ADAMTS6: variants seen among roughly 807,000 people sequenced by gnomAD.
ADAMTS6 encodes ADAM metallopeptidase with thrombospondin type 1 motif 6, also known as A disintegrin and metalloproteinase with thrombospondin motifs 6.
A neutral mutation model predicts 144.3 loss-of-function variants in ADAMTS6; 23 were observed. The observed-to-expected ratio is 0.16, with a 90% CI of 0.11 to 0.23. The LOEUF (loss-of-function observed/expected upper bound fraction) is 0.23. Ranked by LOEUF, ADAMTS6 falls within the 10% of genes least tolerant of loss-of-function variation. The pLI is 1.00. For missense variants in ADAMTS6, 999 were observed against 1,379.6 expected (o/e 0.72, Z 4.37); for synonymous variants, 444 against 457.5 (o/e 0.97, Z 0.38).
In ADAMTS6 at chr5:65,214,459, T is replaced by C; in HGVS notation, c.2575+335A>G. The stretch of plus-strand genomic sequence containing the variant: ...TGCATCTGTGATGTCTGATTCTTGC[T>C]CATTTTCTTTTTTAAAACTTTTGAT... On this transcript the variant is annotated intron_variant, in intron 20 of 24. Coordinates refer to ENST00000381055, the MANE Select transcript of ADAMTS6 (RefSeq NM_197941.4). The surrounding 1 kb of genome is among the most constrained non-coding windows in gnomAD (Gnocchi z 4.6). The C allele has an allele frequency of 2.7e-6, 1 of 374,650 alleles. No homozygotes were observed. The highest frequency in any genetic ancestry group is 5.1e-6 in the Non-Finnish European group (1 of 195,982). 23.2% of individuals were successfully genotyped at this position (374,650 alleles called of 1,614,324 possible).
At chr5:65,213,773 T>C (rs1297531213) in intron 20 of ADAMTS6, among the ~76,000 whole-genome samples, 3 of 152,192 alleles carry the variant, frequency 2.0e-5, no homozygotes, top group Non-Finnish European at 2.9e-5. Flanking sequence ...ATGAAGTCTA[T>C]ATAAAAATCA....
intron 9 of ADAMTS6, among the ~76,000 whole-genome samples, chr5:65,313,835 T>G (rs1744729008): frequency 6.6e-6 from 1 of 152,114 alleles, no homozygotes; most frequent in Non-Finnish European, 1.5e-5. Context: ...GCCACAAGTT[T>G]CATTTTAGAG....
intron 7 of ADAMTS6, among the ~76,000 whole-genome samples, chr5:65,353,000 T>A (rs886086977): frequency 1.2e-4 from 18 of 152,172 alleles, no homozygotes; most frequent in African/African-American, 4.3e-4. Context: ...CTTTCCTAAA[T>A]ATGAATAACT....
chr5:65,470,212 C>T (rs1760328741), intron 3 of ADAMTS6, among the ~76,000 whole-genome samples: 2 of 152,118 alleles, frequency 1.3e-5, no homozygotes, highest in African/African-American at 2.4e-5. Flanking sequence ...ACATGAGCCA[C>T]CTCACCCAGC....
chr5:65,345,579 T>A (rs928040085), intron 7 of ADAMTS6, among the ~76,000 whole-genome samples: 7 of 151,744 alleles, frequency 4.6e-5, no homozygotes, highest in Admixed American at 1.3e-4. Context: ...AAGACTGACA[T>A]AATCTCTCAA....
In ADAMTS6 at chr5:65,151,772, G is replaced by A. The variant is rs895121524; in HGVS notation, c.*64C>T. ...GACATCAATCCTCTTCCTCTGGGTG[G>A]CTCTCTTTGATGGATGCATTTCCAT... On this transcript the variant is annotated 3_prime_UTR_variant, in exon 25 of 25. Transcript: ENST00000381055. The A allele has an allele frequency of 2.9e-6, 4 of 1,389,662 alleles. No individual in the cohort carries two copies. The African/African-American group carries it at 4.3e-5, about 15-fold the overall frequency. The allele number at this position is 1,389,662 out of a possible 1,614,324, so 86.1% of individuals were successfully genotyped here.
At chr5:65,184,510 T>C (rs912980657) in intron 22 of ADAMTS6, among the ~76,000 whole-genome samples, 5 of 152,226 alleles carry the variant, frequency 3.3e-5, no homozygotes, top group African/African-American at 1.2e-4. Context: ...AGTTACCCAC[T>C]TGTCCAAGAG....
intron 3 of ADAMTS6, among the ~76,000 whole-genome samples, chr5:65,464,509 T>C (rs148653625): frequency 1.5e-3 from 227 of 152,346 alleles, no homozygotes; most frequent in African/African-American, 5.1e-3. Flanking sequence ...TTGTTACCTA[T>C]ATTTAAAATT....
chr5:65,387,178 C>T (rs1187898406), intron 7 of ADAMTS6, among the ~76,000 whole-genome samples: 1 of 152,254 alleles, frequency 6.6e-6, no homozygotes, highest in East Asian at 1.9e-4. Flanking sequence ...AGAAACAAAA[C>T]CTACACTATT....
At chr5:65,303,112 A>C (rs1381442726) in intron 9 of ADAMTS6, among the ~76,000 whole-genome samples, 3 of 152,150 alleles carry the variant, frequency 2.0e-5, no homozygotes, top group Non-Finnish European at 4.4e-5. Context: ...AAACCATATC[A>C]GGTAGTTTCC....
chr5:65,361,856 C>T (rs1749852528), intron 7 of ADAMTS6, among the ~76,000 whole-genome samples: 1 of 152,034 alleles, frequency 6.6e-6, no homozygotes, highest in Non-Finnish European at 1.5e-5. Context: ...ACTTCAGCCT[C>T]CATTAGTAGC....
chr5:65,388,133 C>T (rs528770763), intron 7 of ADAMTS6, among the ~76,000 whole-genome samples: 36 of 152,214 alleles, frequency 2.4e-4, no homozygotes, highest in Non-Finnish European at 4.1e-4. Context: ...TCGCTTGAAC[C>T]CAGGAGGCAG....
intron 7 of ADAMTS6, among the ~76,000 whole-genome samples, chr5:65,340,021 A>G (rs1747670380): frequency 6.6e-6 from 1 of 152,156 alleles, no homozygotes; most frequent in African/African-American, 2.4e-5. Context: ...GAGTCCAGAA[A>G]GCTCGAATAA....
At chr5:65,255,676 C>G (rs1760589231) in intron 14 of ADAMTS6, among the ~76,000 whole-genome samples, 1 of 151,498 alleles carries the variant, frequency 6.6e-6, no homozygotes, top group South Asian at 2.1e-4. Flanking sequence ...TTATGTTCCC[C>G]TCTCTCATAG....
chr5:65,205,732 C>T (rs1756043879), intron 20 of ADAMTS6, among the ~76,000 whole-genome samples: 1 of 152,148 alleles, frequency 6.6e-6, no homozygotes, highest in African/African-American at 2.4e-5. Flanking sequence ...TAGGTTATCA[C>T]ATAAACTTGT....
chr5:65,186,419 A>G (rs1169165826), intron 22 of ADAMTS6, among the ~76,000 whole-genome samples: 1 of 152,174 alleles, frequency 6.6e-6, no homozygotes, highest in African/African-American at 2.4e-5. Context: ...CATGTTACCC[A>G]TGGTGCCTAT....
At chr5:65,234,798 C>T (rs538938733) in intron 15 of ADAMTS6, among the ~76,000 whole-genome samples, 131 of 152,242 alleles carry the variant, frequency 8.6e-4, no homozygotes, top group Non-Finnish European at 1.5e-3. Flanking sequence ...TGAAGAGATA[C>T]CTACACTCCC....
chr5:65,225,791 T>C (rs1757679905), intron 16 of ADAMTS6, among the ~76,000 whole-genome samples: 1 of 152,206 alleles, frequency 6.6e-6, no homozygotes, highest in Non-Finnish European at 1.5e-5. Context: ...TTTTCTATCA[T>C]CTTGTTTGTA....
chr5:65,421,395 C>T (rs1323752833), intron 7 of ADAMTS6, among the ~76,000 whole-genome samples: 1 of 152,156 alleles, frequency 6.6e-6, no homozygotes, highest in African/African-American at 2.4e-5. Context: ...AGATAGGACC[C>T]CAATCCCTTC....
Sources: allele counts gnomAD v4.1 joint callset (sites outside exome capture counted in the v4.1 genomes callset), GRCh38; gene constraint gnomAD v4.1.1; non-coding constraint Gnocchi (gnomAD v3.1); transcripts MANE v1.5; gene names NCBI Gene and HGNC (gene_info 2026-07-23, HGNC 2026-07-21).